Variants in TRPM3 observed in about 807,000 individuals in gnomAD.
The protein encoded by TRPM3 is transient receptor potential cation channel subfamily M member 3.
Under a neutral mutation model 181.2 loss-of-function variants are expected in TRPM3, and 77 were observed. That is an observed-to-expected ratio of 0.42 (90% confidence interval 0.35 to 0.51). The LOEUF is 0.51. Ranked by LOEUF, TRPM3 falls within the 20% of genes least tolerant of loss-of-function variation. The pLI, the probability that TRPM3 is intolerant of heterozygous loss-of-function variation, is 0.01. For missense variants in TRPM3, 1,759 were observed against 2,196.7 expected (o/e 0.80, Z 3.98); for synonymous variants, 745 against 796.4 (o/e 0.94, Z 1.09).
intron 1 of TRPM3, among the ~76,000 whole-genome samples, chr9:71,314,334 T>C (rs577948162): frequency 1.3e-5 from 2 of 152,304 alleles, no homozygotes; most frequent in African/African-American, 4.8e-5. Flanking sequence ...ATTTTCCACA[T>C]AGTCCTGCCT....
intron 1 of TRPM3, among the ~76,000 whole-genome samples, chr9:70,902,974 A>G (rs1336533301): frequency 6.6e-6 from 1 of 152,170 alleles, no homozygotes; most frequent in African/African-American, 2.4e-5. Context: ...AGGTTCCACA[A>G]TACAAGGCAT....
intron 1 of TRPM3, among the ~76,000 whole-genome samples, chr9:71,440,173 G>C (rs1156588532): frequency 6.6e-6 from 1 of 152,018 alleles, no homozygotes; most frequent in African/African-American, 2.4e-5. Context: ...AAACACTGAA[G>C]TGAATCTTAA....
intron 1 of TRPM3, among the ~76,000 whole-genome samples, chr9:71,279,545 G>A (rs550023800): frequency 1.7e-4 from 26 of 152,258 alleles, no homozygotes; most frequent in African/African-American, 6.0e-4. Flanking sequence ...GGAAAGACAC[G>A]AAGCCATTTA....
chr9:70,963,250 C>A (rs1330287429), intron 1 of TRPM3, among the ~76,000 whole-genome samples: 4 of 152,200 alleles, frequency 2.6e-5, no homozygotes, highest in African/African-American at 9.6e-5. Flanking sequence ...AAGCCAAGCA[C>A]CTTACAGGCT....
rs191513312 is a variant in TRPM3 at position 71,119,954 on chromosome 9, T to C, written c.177+1224A>G. Among the ~76,000 whole-genome samples the C allele has an allele frequency of 3.2e-4, 49 of 152,310 alleles. 1 individual carries two copies. Among genetic ancestry groups the C allele is most frequent in the Non-Finnish European group, 5.3e-4 (36 of 68,032 alleles). On this transcript the variant is annotated intron_variant, in intron 1 of 25. Coordinates refer to ENST00000677713, the MANE Select transcript of TRPM3 (RefSeq NM_001366145.2). The stretch of plus-strand genomic sequence containing the variant: ...GCCATGACAACCATATGATGGGAGT[T>C]TGAACAGCACTTGGGGCAGCCTTTG...
intron 1 of TRPM3, among the ~76,000 whole-genome samples, chr9:71,047,402 A>G (rs1012272887): frequency 7.2e-5 from 11 of 152,306 alleles, no homozygotes; most frequent in Admixed American, 5.9e-4. Context: ...TCAGGTAAGA[A>G]AATTTTAATA....
intron 4 of TRPM3, 41 bp downstream of exon 4, chr9:70,846,337 C>G: frequency 6.4e-7 from 1 of 1,557,520 alleles, no homozygotes; most frequent in Non-Finnish European, 8.9e-7. Flanking sequence ...CACAACATTC[C>G]CATGGCCTAT....
chr9:70,923,969 T>C (rs915055998), intron 1 of TRPM3, among the ~76,000 whole-genome samples: 5 of 151,578 alleles, frequency 3.3e-5, no homozygotes, highest in Non-Finnish European at 7.4e-5. Flanking sequence ...CATATATATA[T>C]ACACACAATC....
chr9:70,856,501 T>C (rs973605227), intron 3 of TRPM3, among the ~76,000 whole-genome samples: 5 of 152,196 alleles, frequency 3.3e-5, no homozygotes, highest in African/African-American at 9.6e-5. Context: ...ATTGCAAAGA[T>C]AGACAGTTTT....
intron 1 of TRPM3, chr9:70,916,896 G>C (rs2096600987): frequency 1.3e-6 from 1 of 749,644 alleles, no homozygotes; most frequent in African/African-American, 1.7e-5. Flanking sequence ...CTGGCAGATG[G>C]GGAGGCAAGT....
At chr9:71,301,130 T>A (rs1441639027) in intron 1 of TRPM3, among the ~76,000 whole-genome samples, 1 of 152,152 alleles carries the variant, frequency 6.6e-6, no homozygotes, top group African/African-American at 2.4e-5. Context: ...CTCAGGGAAC[T>A]GTCTCAGAGC....
intron 1 of TRPM3, among the ~76,000 whole-genome samples, chr9:71,134,010 TGTGTGCGC>T (rs1335531697): frequency 1.1e-5 from 1 of 87,830 alleles, no homozygotes; most frequent in Non-Finnish European, 2.5e-5. Context: ...TGTGTGTGTG[TGTGTGCGC>T]GTGCGCGCGC....
At chr9:70,786,346 G>C (rs547109459) in intron 6 of TRPM3, among the ~76,000 whole-genome samples, 1 of 111,932 alleles carries the variant, frequency 8.9e-6, no homozygotes, top group South Asian at 2.8e-4. Flanking sequence ...TTAGCTGGGC[G>C]TGGTGGCAGG....
chr9:71,211,123 T>TA (rs2079471142), intron 1 of TRPM3, among the ~76,000 whole-genome samples: 1 of 152,178 alleles, frequency 6.6e-6, no homozygotes, highest in East Asian at 1.9e-4. Context: ...GTGTTGCTCC[T>TA]ATTCATGATT....
chr9:70,548,303 A>G (rs572901643), intron 25 of TRPM3, among the ~76,000 whole-genome samples: 4 of 152,348 alleles, frequency 2.6e-5, no homozygotes, highest in South Asian at 4.1e-4. Context: ...GCAGCAACAG[A>G]TGTGTATAAA....
At chr9:71,203,922 T>C (rs1275217331) in intron 1 of TRPM3, among the ~76,000 whole-genome samples, 1 of 152,162 alleles carries the variant, frequency 6.6e-6, no homozygotes, top group African/African-American at 2.4e-5. Flanking sequence ...ATTTCAACTA[T>C]CTGATCTTTG....
At chr9:71,022,943 T>G (rs1042115193) in intron 1 of TRPM3, among the ~76,000 whole-genome samples, 3 of 152,098 alleles carry the variant, frequency 2.0e-5, no homozygotes, top group African/African-American at 7.2e-5. Context: ...GGCTAGGCAA[T>G]GAATTCTAGC....
chr9:70,679,290 A>G (rs566528852), intron 9 of TRPM3, among the ~76,000 whole-genome samples: 12 of 152,354 alleles, frequency 7.9e-5, no homozygotes, highest in African/African-American at 2.6e-4. Context: ...CTATTTGGTT[A>G]TAATATAAAA....
At chr9:70,560,410 T>C (rs931120821) in intron 22 of TRPM3, among the ~76,000 whole-genome samples, 2 of 152,232 alleles carry the variant, frequency 1.3e-5, no homozygotes, top group African/African-American at 4.8e-5. Context: ...GTAATATTAG[T>C]GGCCACCTAC....
Sources: gnomAD v4.1 joint callset for allele counts (sites outside exome capture counted in the v4.1 genomes callset) on GRCh38, gnomAD v4.1.1 for gene constraint, MANE v1.5 for transcripts, NCBI Gene and HGNC (gene_info 2026-07-23, HGNC 2026-07-21) for gene names.